PHIP: variants seen among roughly 807,000 people sequenced by gnomAD.
PHIP encodes the protein PHIP subunit of CUL4-Ring ligase complex, also known as PH-interacting protein.
A neutral mutation model predicts 236.8 loss-of-function variants in PHIP; 54 were observed. The observed-to-expected ratio is 0.23, with a 90% confidence interval of 0.18 to 0.29. PHIP has a LOEUF of 0.29. Among genes scored for constraint, PHIP ranks in the 10% least tolerant of loss-of-function variants. The probability of loss-of-function intolerance (pLI) is 1.00; values close to 1 mark genes in which losing one functional copy is unlikely to be tolerated. For synonymous variants in PHIP, 756 were observed against 718.9 expected (o/e 1.05, Z -0.83); for missense variants, 1,370 against 2,190.8 (o/e 0.63, Z 7.48).
At chr6:78,945,693 A>C (rs1773774786) in intron 38 of PHIP, 196 bp from the exon 39 acceptor site, 1 of 611,520 alleles carries the variant, frequency 1.6e-6, no homozygotes, top group Admixed American at 2.5e-5. Context: ...CCCTTTTAGA[A>C]GCTGTCCCAT....
intron 24 of PHIP, among the ~76,000 whole-genome samples, chr6:78,975,750 A>AT (rs1768006785): frequency 6.6e-6 from 1 of 152,166 alleles, no homozygotes; most frequent in South Asian, 2.1e-4. Context: ...AGAGAGCCAA[A>AT]TCATGAGTGA....
At chr6:79,042,363 T>C (rs895214347) in intron 7 of PHIP, among the ~76,000 whole-genome samples, 1 of 152,024 alleles carries the variant, frequency 6.6e-6, no homozygotes, top group African/African-American at 2.4e-5. Context: ...GTATTAGATA[T>C]GCTCAGAATT....
intron 6 of PHIP, among the ~76,000 whole-genome samples, chr6:79,055,715 G>C (rs1016063993): frequency 3.3e-5 from 5 of 152,170 alleles, no homozygotes; most frequent in Admixed American, 2.6e-4. Flanking sequence ...AGACCAAAAG[G>C]TTCAAAGTAG....
At chr6:78,948,623 T>C (rs1224802058) in intron 35 of PHIP, among the ~76,000 whole-genome samples, 1 of 152,072 alleles carries the variant, frequency 6.6e-6, no homozygotes, top group Non-Finnish European at 1.5e-5. Context: ...GCCTCTCAAG[T>C]AGCGGGGACT....
rs189881899 is a variant in PHIP at position 79,004,325 on chromosome 6, G to A, written c.1525-467C>T. 1,321 of 763,460 alleles carry A rather than the reference G, an allele frequency of 1.7e-3. 1 individual carries two copies. The highest frequency in any genetic ancestry group is 2.2e-3 in the Admixed American group (35 of 15,956). 47.3% of individuals were successfully genotyped at this position (763,460 alleles called of 1,614,324 possible). A position where few individuals can be genotyped will look rare whatever the true frequency, so the allele number is the denominator to read the frequency against. On this transcript the variant is annotated intron_variant, in intron 15 of 39. Coordinates refer to ENST00000275034, the MANE Select transcript of PHIP (RefSeq NM_017934.7). Reference sequence around the variant, plus strand: ...AATAAATTCCCTGGTAGTCTGACTCGTCTTTTAAATGGTGAATTTCAAAGG... The same window carrying A: ...AATAAATTCCCTGGTAGTCTGACTCATCTTTTAAATGGTGAATTTCAAAGG...
intron 6 of PHIP, among the ~76,000 whole-genome samples, chr6:79,055,266 G>C (rs905800866): frequency 1.3e-5 from 2 of 152,100 alleles, no homozygotes; most frequent in Admixed American, 6.6e-5. Context: ...TTAATTTAAT[G>C]TATTACAATC....
chr6:79,006,936 A>G (rs1015124573), intron 15 of PHIP, among the ~76,000 whole-genome samples: 1 of 152,050 alleles, frequency 6.6e-6, no homozygotes, highest in Non-Finnish European at 1.5e-5. Context: ...GAATAAGAGG[A>G]GTAAAAAGAA....
chr6:79,068,558 C>T (rs1332879923), intron 4 of PHIP, among the ~76,000 whole-genome samples: 1 of 152,184 alleles, frequency 6.6e-6, no homozygotes, highest in African/African-American at 2.4e-5. Flanking sequence ...AAAACATTTA[C>T]TCTTTCTAAG....
chr6:79,039,203 C>T (rs1273732077), intron 7 of PHIP, among the ~76,000 whole-genome samples: 2 of 152,148 alleles, frequency 1.3e-5, no homozygotes, highest in Admixed American at 6.6e-5. Context: ...AAAAGAAACC[C>T]ACTATTTAGC....
intron 7 of PHIP, among the ~76,000 whole-genome samples, chr6:79,038,429 A>G (rs1772050401): frequency 6.6e-6 from 1 of 152,188 alleles, no homozygotes; most frequent in Non-Finnish European, 1.5e-5. Flanking sequence ...ATGCTACCAC[A>G]TTGGGGATTA....
intron 6 of PHIP, among the ~76,000 whole-genome samples, chr6:79,055,420 T>C (rs1773019511): frequency 6.6e-6 from 1 of 152,158 alleles, no homozygotes; most frequent in African/African-American, 2.4e-5. Flanking sequence ...GAATAAACTA[T>C]ATCTGAAAAC....
At chr6:78,957,579 T>TGAA (rs1554196236) in intron 32 of PHIP, 1 of 131,904 alleles carries the variant, frequency 7.6e-6, no homozygotes, top group Non-Finnish European at 1.6e-5. Context: ...GGATGTTTAT[T>TGAA]AAAAAAAAAA....
At chr6:79,032,798 T>C (rs1374203984) in intron 7 of PHIP, among the ~76,000 whole-genome samples, 1 of 151,572 alleles carries the variant, frequency 6.6e-6, no homozygotes, top group African/African-American at 2.4e-5. Context: ...TAATAATCGA[T>C]TCTCAATTAC....
At chr6:79,005,380 A>G (rs1770233780) in intron 15 of PHIP, among the ~76,000 whole-genome samples, 1 of 152,024 alleles carries the variant, frequency 6.6e-6, no homozygotes, top group Admixed American at 6.6e-5. Context: ...CCAAAAATGA[A>G]AGACTATAAG....
chr6:79,070,840 G>T (rs1231498812), intron 4 of PHIP, among the ~76,000 whole-genome samples: 1 of 152,076 alleles, frequency 6.6e-6, no homozygotes, highest in Non-Finnish European at 1.5e-5. Context: ...TTGTTACAAT[G>T]TATTTTAAAA....
Position 78,935,792 on chromosome 6 carries a change from G to C in PHIP, c.*4901C>G. 1.0e-6 allele frequency: 1 copy of C among 972,094 alleles called. No individual in the cohort carries two copies. The highest frequency in any genetic ancestry group is 1.1e-4 in the East Asian group (1 of 8,776). 60.2% of individuals were successfully genotyped at this position (972,094 alleles called of 1,614,324 possible). A position where few individuals can be genotyped will look rare whatever the true frequency, so the allele number is the denominator to read the frequency against. On this transcript the variant is annotated 3_prime_UTR_variant, in exon 40 of 40. Coordinates refer to ENST00000275034, the MANE Select transcript of PHIP (RefSeq NM_017934.7). ...ACCACTTTGGTAAGCAGCTTGTTGA[G>C]ATTATGTACTAAGTGCTTTATGTGA...
intron 7 of PHIP, among the ~76,000 whole-genome samples, chr6:79,026,402 G>A (rs1771401618): frequency 1.3e-5 from 2 of 151,896 alleles, no homozygotes; most frequent in South Asian, 4.2e-4. Flanking sequence ...TTTACCTTTG[G>A]TTCCCTATCT....
At chr6:79,015,275 C>T in intron 14 of PHIP, 59 bp from the exon 15 acceptor site, 1 of 1,370,050 alleles carries the variant, frequency 7.3e-7, no homozygotes, top group South Asian at 1.2e-5. Context: ...GAAAAACAAA[C>T]ATAATGAAAT....
intron 17 of PHIP, among the ~76,000 whole-genome samples, chr6:79,000,999 G>A (rs186176366): frequency 3.3e-5 from 5 of 152,064 alleles, no homozygotes; most frequent in Admixed American, 6.6e-5. Context: ...TAAGATGCAC[G>A]TTTGAGGTTG....
Sources: gnomAD v4.1 joint callset for allele counts (sites outside exome capture counted in the v4.1 genomes callset) on GRCh38, gnomAD v4.1.1 for gene constraint, MANE v1.5 for transcripts, NCBI Gene and HGNC (gene_info 2026-07-23, HGNC 2026-07-21) for gene names.